PRKG1: variants seen among roughly 807,000 people sequenced by gnomAD.
The protein encoded by PRKG1 is protein kinase cGMP-dependent 1.
Under a neutral mutation model 88.1 loss-of-function variants are expected in PRKG1, and 35 were observed. The ratio of observed to expected loss-of-function variants is 0.40; its 90% CI spans 0.30 to 0.53. The LOEUF (loss-of-function observed/expected upper bound fraction) is 0.53, where lower values mean the gene tolerates loss of function less well. PRKG1 is among the 20% of genes least tolerant of loss of function. The probability of loss-of-function intolerance (pLI) is 0.59; values close to 1 mark genes in which losing one functional copy is unlikely to be tolerated. For missense variants in PRKG1, 540 were observed against 839.8 expected (o/e 0.64, Z 4.41); for synonymous variants, 303 against 292.5 (o/e 1.04, Z -0.37).
chr10:51,068,632 T>G (rs1843783862), intron 1 of PRKG1: 1 of 152,018 alleles, frequency 6.6e-6, no homozygotes, highest in African/African-American at 2.4e-5. Context: ...AGACAAATCA[T>G]GGACTAGAGA....
chr10:51,390,157 G>T (rs1372517100), intron 2 of PRKG1, among the ~76,000 whole-genome samples: 1 of 152,220 alleles, frequency 6.6e-6, no homozygotes. Flanking sequence ...GCAGAATCAT[G>T]TGGAACACAT....
At chr10:52,289,929 T>G (rs1001426628) in intron 16 of PRKG1, among the ~76,000 whole-genome samples, 3 of 152,148 alleles carry the variant, frequency 2.0e-5, no homozygotes, top group Non-Finnish European at 4.4e-5. Flanking sequence ...CATTATGACA[T>G]GTATTAAATT....
intron 14 of PRKG1, 45 bp from the exon 15 acceptor site, chr10:52,288,681 A>G: frequency 6.5e-7 from 1 of 1,529,038 alleles, no homozygotes; most frequent in South Asian, 1.3e-5. Context: ...GTTCTCATGT[A>G]GAAAATAAAA....
intron 1 of PRKG1, among the ~76,000 whole-genome samples, chr10:51,067,843 G>T (rs1296161385): frequency 6.6e-6 from 1 of 151,934 alleles, no homozygotes; most frequent in Admixed American, 6.6e-5. Flanking sequence ...CATTATATAG[G>T]TGTTTGAACA....
intron 2 of PRKG1, among the ~76,000 whole-genome samples, chr10:51,284,776 T>G (rs1016602606): frequency 1.3e-5 from 2 of 151,872 alleles, no homozygotes; most frequent in Non-Finnish European, 2.9e-5. Flanking sequence ...TTTATATATA[T>G]ATTTTTTGTA....
At chr10:51,631,718 A>C (rs1839531404) in intron 3 of PRKG1, among the ~76,000 whole-genome samples, 1 of 152,192 alleles carries the variant, frequency 6.6e-6, no homozygotes, top group South Asian at 2.1e-4. Context: ...GCAGTTCACA[A>C]TAGCGTTCGC....
chr10:51,189,878 G>T (rs1480792866), intron 2 of PRKG1, among the ~76,000 whole-genome samples: 1 of 152,012 alleles, frequency 6.6e-6, no homozygotes, highest in East Asian at 1.9e-4. Flanking sequence ...GACTCTGTAA[G>T]GGTGGCCTAC....
intron 5 of PRKG1, among the ~76,000 whole-genome samples, chr10:51,916,380 G>A (rs1842340204): frequency 6.6e-6 from 1 of 152,160 alleles, no homozygotes; most frequent in African/African-American, 2.4e-5. Flanking sequence ...GCAACATCAG[G>A]AAGTTACCCT....
intron 2 of PRKG1, among the ~76,000 whole-genome samples, chr10:51,423,652 C>A (rs1474344720): frequency 6.6e-6 from 1 of 152,090 alleles, no homozygotes; most frequent in African/African-American, 2.4e-5. Flanking sequence ...ATATGAATAA[C>A]AATTGCCAAT....
intron 3 of PRKG1, among the ~76,000 whole-genome samples, chr10:51,620,522 C>A (rs527425059): frequency 6.6e-6 from 1 of 152,078 alleles, no homozygotes; most frequent in East Asian, 1.9e-4. Flanking sequence ...CTACTTTGAG[C>A]CATTTCAGAC....
At chr10:52,077,553 G>A (rs1459823059) in intron 7 of PRKG1, among the ~76,000 whole-genome samples, 2 of 152,110 alleles carry the variant, frequency 1.3e-5, no homozygotes, top group Non-Finnish European at 1.5e-5. Context: ...GTCTGCAAAT[G>A]CCAAAAGTTT....
chr10:52,193,560 A>ACC (rs1564511332), intron 9 of PRKG1, among the ~76,000 whole-genome samples: 4 of 29,728 alleles, frequency 1.3e-4, no homozygotes, highest in Non-Finnish European at 4.1e-4. Flanking sequence ...AAAAAAAAAA[A>ACC]AACAAAAAAA....
At chr10:51,546,569 G>A (rs1333115610) in intron 3 of PRKG1, among the ~76,000 whole-genome samples, 1 of 152,058 alleles carries the variant, frequency 6.6e-6, no homozygotes, top group Admixed American at 6.6e-5. Context: ...ATTTTAGCAA[G>A]TATAGTCTTT....
intron 1 of PRKG1, among the ~76,000 whole-genome samples, chr10:51,047,610 T>G (rs1452330743): frequency 1.5e-5 from 2 of 129,984 alleles, no homozygotes; most frequent in African/African-American, 5.6e-5. Flanking sequence ...ATATCTGTTA[T>G]TATTTCCAAA....
At chr10:52,043,013 A>C (rs1046733676) in intron 5 of PRKG1, among the ~76,000 whole-genome samples, 4 of 152,180 alleles carry the variant, frequency 2.6e-5, no homozygotes, top group Admixed American at 1.3e-4. Flanking sequence ...GTGAATCAGA[A>C]CCATGATGAG....
chr10:51,992,288 G>A (rs918167914), intron 5 of PRKG1, among the ~76,000 whole-genome samples: 3 of 152,006 alleles, frequency 2.0e-5, no homozygotes, highest in African/African-American at 4.8e-5. Flanking sequence ...CACAGAGAAG[G>A]ATTATAAATT....
At chr10:51,355,307 C>T (rs952436044) in intron 2 of PRKG1, among the ~76,000 whole-genome samples, 1 of 152,000 alleles carries the variant, frequency 6.6e-6, no homozygotes, top group African/African-American at 2.4e-5. Flanking sequence ...TGTTAAGTAA[C>T]TTACACTGTT....
chr10:51,934,969 G>A (rs2045339804), intron 5 of PRKG1, among the ~76,000 whole-genome samples: 2 of 152,078 alleles, frequency 1.3e-5, no homozygotes, highest in South Asian at 4.1e-4. Flanking sequence ...CTATGAGGTG[G>A]GGGCTTAGAA....
At chr10:51,287,432 G>T (rs16916249) in intron 2 of PRKG1, among the ~76,000 whole-genome samples, 11,477 of 152,244 alleles carry the variant, frequency 0.075, 1,419 homozygotes, top group African/African-American at 0.26. Flanking sequence ...TGTTGGTTAA[G>T]TGTCCACTGC....
Sources: allele counts gnomAD v4.1 joint callset (sites outside exome capture counted in the v4.1 genomes callset), GRCh38; gene constraint gnomAD v4.1.1; transcripts MANE v1.5; gene names NCBI Gene and HGNC (gene_info 2026-07-23, HGNC 2026-07-21).